Variants in PCDHGA1 observed in about 807,000 individuals in gnomAD.
PCDHGA1 encodes protocadherin gamma subfamily A, 1.
PCDHGA1 carries 32 observed loss-of-function variants against 58.0 expected under a neutral mutation model. The observed-to-expected ratio is 0.55, with a 90% CI of 0.42 to 0.74. The LOEUF is 0.74. PCDHGA1 is among the 30% of genes least tolerant of loss of function. PCDHGA1 has a pLI of 0.00. For missense variants in PCDHGA1, 1,205 were observed against 1,182.3 expected (o/e 1.02, Z -0.28); for synonymous variants, 498 against 501.1 (o/e 0.99, Z 0.08).
At chr5:141,392,847 G>A (rs759327251) in intron 1 of PCDHGA1, 2 of 1,610,450 alleles carry the variant, frequency 1.2e-6, no homozygotes, top group Non-Finnish European at 1.7e-6. Context: ...CAGACGCGGC[G>A]AGCTGATCCT....
Position 141,490,027 on chromosome 5 carries a change from CG to C in PCDHGA1, c.2422-4779del. The C allele has an allele frequency of 6.2e-7, 1 of 1,614,214 alleles. No individual in the cohort carries two copies. Among genetic ancestry groups the C allele is most frequent in the Admixed American group, 1.7e-5 (1 of 60,032 alleles). On this transcript the variant is annotated intron_variant, in intron 1 of 3. Transcript: ENST00000517417. The surrounding 1 kb of genome is among the most constrained non-coding windows in gnomAD (Gnocchi z 5.4). Reference sequence around the variant, plus strand: ...TGCACCCATTGGTACTCTGCTGCTCCGCCTCAATGCCACTGATCCAGACGAG... The same window carrying C: ...TGCACCCATTGGTACTCTGCTGCTCCCCTCAATGCCACTGATCCAGACGAG...
rs373446844 is a variant in PCDHGA1, at chr5:141,486,661, G to A, written c.2422-8146G>A. The A allele has an allele frequency of 3.1e-6, 5 of 1,613,836 alleles. No individual in the cohort carries two copies. In the African/African-American group the frequency reaches 4.0e-5, roughly 13 times the overall value. On this transcript the variant is annotated intron_variant, in intron 1 of 3. Transcript: ENST00000517417. The surrounding 1 kb of genome is among the most constrained non-coding windows in gnomAD (Gnocchi z 5.0). The stretch of plus-strand genomic sequence containing the variant: ...CGCTTATCTCCTACTCACTCCTGGA[G>A]CCCAGGAATCGAGATGTATCAGCTT...
rs575856599 is a variant in PCDHGA1 at position 141,399,712 on chromosome 5, C to T, written c.2421+66607C>T. ...GCTGCGCACCTTCGAACTCACACTA[C>T]AGGCCCGCGACCAGGGCTCGCCTGC... On this transcript the variant is annotated intron_variant, in intron 1 of 3. Transcript: ENST00000517417. The T allele has an allele frequency of 7.4e-6, 12 of 1,613,378 alleles. No individual in the cohort carries two copies. In the East Asian group the frequency reaches 2.2e-4, roughly 30 times the overall value.
chr5:141,495,276 G>A (rs1350329744), intron 2 of PCDHGA1, among the ~76,000 whole-genome samples: 1 of 152,190 alleles, frequency 6.6e-6, no homozygotes, highest in East Asian at 1.9e-4. Flanking sequence ...GACCGGAGGA[G>A]GCGGTCCGCA....
At chr5:141,505,121 C>A (rs1194549194) in intron 2 of PCDHGA1, among the ~76,000 whole-genome samples, 1 of 152,168 alleles carries the variant, frequency 6.6e-6, no homozygotes, top group Non-Finnish European at 1.5e-5. Context: ...AAGATCGCGC[C>A]ACTGCACTCC....
chr5:141,415,754 T>TTTTG, intron 1 of PCDHGA1: 1 of 1,385,736 alleles, frequency 7.2e-7, no homozygotes, highest in Non-Finnish European at 9.3e-7. Flanking sequence ...TTTTTTTTTT[T>TTTTG]TTTTTTTTTT....
intron 1 of PCDHGA1, chr5:141,394,255 G>A (rs1321065161): frequency 6.2e-7 from 1 of 1,613,934 alleles, no homozygotes; most frequent in South Asian, 1.1e-5. Flanking sequence ...GACCCCGACA[G>A]CCAGGAGAAT....
intron 1 of PCDHGA1, chr5:141,383,711 A>G (rs201269369): frequency 5.5e-4 from 889 of 1,614,004 alleles, no homozygotes; most frequent in Non-Finnish European, 6.8e-4. Flanking sequence ...GACCTGGACG[A>G]GGGAGTCAAT....
rs1445450316 is a variant in PCDHGA1, at chr5:141,491,210, C to T, written c.2422-3597C>T. On this transcript the variant is annotated intron_variant, in intron 1 of 3. Coordinates refer to ENST00000517417, the MANE Select transcript of PCDHGA1 (RefSeq NM_018912.3). The surrounding 1 kb of genome is among the most constrained non-coding windows in gnomAD (Gnocchi z 6.9). ...AGGGACAATGGTGACCCTTCACTCT[C>T]CTCCACAGCCACAGTGCTGCTGGTT... The T allele has an allele frequency of 3.7e-6, 6 of 1,614,228 alleles. No homozygotes were observed. Among genetic ancestry groups the T allele is most frequent in the Non-Finnish European group, 3.4e-6 (4 of 1,180,032 alleles).
At chr5:141,371,900 G>T in intron 1 of PCDHGA1, 4 of 1,613,378 alleles carry the variant, frequency 2.5e-6, no homozygotes, top group Middle Eastern at 1.6e-4. Flanking sequence ...GGGAGCTGTC[G>T]TCCTACGTGT....
At chr5:141,344,879 T>TA in intron 1 of PCDHGA1, 1 of 1,613,924 alleles carries the variant, frequency 6.2e-7, no homozygotes, top group Non-Finnish European at 8.5e-7. Context: ...ATATTCTAGA[T>TA]AAAATGCCTG....
At chr5:141,418,583 T>A (rs1242446631) in intron 1 of PCDHGA1, 1 of 1,613,862 alleles carries the variant, frequency 6.2e-7, no homozygotes, top group Non-Finnish European at 8.5e-7. Flanking sequence ...CCCCCCAGTG[T>A]TCAGCCAGGA....
rs376764580 is a variant in PCDHGA1 at position 141,400,568 on chromosome 5, T to C, written c.2421+67463T>C. On this transcript the variant is annotated intron_variant, in intron 1 of 3. Coordinates refer to ENST00000517417, the MANE Select transcript of PCDHGA1 (RefSeq NM_018912.3). ...TATTCTTTTTCATTACCCACCCAATTTTCTGTATTTACATGAAACTATCGT... is the reference window on the plus strand; with the variant it reads ...TATTCTTTTTCATTACCCACCCAATCTTCTGTATTTACATGAAACTATCGT... 46 of 1,612,870 alleles carry C rather than the reference T, an allele frequency of 2.9e-5. No homozygotes were observed. In the African/African-American group the frequency reaches 5.7e-4, roughly 20 times the overall value.
At chr5:141,344,795 C>A (rs200798114) in intron 1 of PCDHGA1, 6 of 1,613,938 alleles carry the variant, frequency 3.7e-6, no homozygotes, top group East Asian at 2.2e-5. Context: ...TTTGGGAGAA[C>A]GTGCCTGTGG....
At chr5:141,344,558 T>A (rs1757435372) in intron 1 of PCDHGA1, 1 of 1,614,022 alleles carries the variant, frequency 6.2e-7, no homozygotes, top group East Asian at 2.2e-5. Context: ...TTAGCCCCAA[T>A]GACTACTTCT....
At chr5:141,351,495 C>G (rs750823337) in intron 1 of PCDHGA1, 6 of 1,613,980 alleles carry the variant, frequency 3.7e-6, no homozygotes, top group Non-Finnish European at 5.1e-6. Flanking sequence ...GAGCAGACAG[C>G]AGACTACAAC....
intron 1 of PCDHGA1, chr5:141,340,760 G>C (rs1449752079): frequency 6.2e-7 from 1 of 1,613,890 alleles, no homozygotes; most frequent in Non-Finnish European, 8.5e-7. Flanking sequence ...GGTGGACAGA[G>C]ACTCGGGCCA....
intron 2 of PCDHGA1, among the ~76,000 whole-genome samples, chr5:141,504,869 C>T (rs919109041): frequency 6.6e-6 from 1 of 152,134 alleles, no homozygotes; most frequent in Admixed American, 6.5e-5. Flanking sequence ...CCCACCTTCA[C>T]AGTCCTCTGG....
At chr5:141,453,490 G>T (rs921556476) in intron 1 of PCDHGA1, among the ~76,000 whole-genome samples, 3 of 151,922 alleles carry the variant, frequency 2.0e-5, no homozygotes, top group African/African-American at 7.3e-5. Context: ...TTAAAAAAAG[G>T]TGTACTCAGA....
Sources: gnomAD v4.1 joint callset for allele counts (sites outside exome capture counted in the v4.1 genomes callset) on GRCh38, gnomAD v4.1.1 for gene constraint, Gnocchi (gnomAD v3.1) non-coding constraint, MANE v1.5 for transcripts, NCBI Gene and HGNC (gene_info 2026-07-23, HGNC 2026-07-21) for gene names.